Variants in LIG1 observed in about 807,000 individuals in gnomAD.
The protein encoded by LIG1 is ligase I, DNA, ATP-dependent.
LIG1 carries 70 observed loss-of-function variants against 115.7 expected under a neutral mutation model. The ratio of observed to expected loss-of-function variants is 0.60; its 90% CI spans 0.50 to 0.74. The LOEUF (loss-of-function observed/expected upper bound fraction) is 0.74. Among genes scored for constraint, LIG1 ranks in the 30% least tolerant of loss-of-function variants. The pLI, the probability that LIG1 is intolerant of heterozygous loss-of-function variation, is 0.00. For synonymous variants in LIG1, 487 were observed against 495.3 expected (o/e 0.98, Z 0.22); for missense variants, 1,115 against 1,225.6 (o/e 0.91, Z 1.35).
chr19:48,139,611 C>T (rs908788102), intron 12 of LIG1, among the ~76,000 whole-genome samples: 5 of 152,152 alleles, frequency 3.3e-5, no homozygotes, highest in African/African-American at 4.8e-5. Context: ...GTTCTTTCCT[C>T]CCACTCCTTC....
rs970461810 is a variant in LIG1 at position 48,137,706 on chromosome 19, G to T, written c.1088-18C>A. The T allele has an allele frequency of 6.2e-7, 1 of 1,600,728 alleles. No individual in the cohort carries two copies. The highest frequency in any genetic ancestry group is 8.5e-7 in the Non-Finnish European group (1 of 1,179,554). On this transcript the variant is annotated intron_variant, in intron 12 of 27. Coordinates refer to ENST00000263274, the MANE Select transcript of LIG1 (RefSeq NM_000234.3). The surrounding 1 kb of genome is among the most constrained non-coding windows in gnomAD (Gnocchi z 4.3). ...CTGCCGACCTTCAGGGGAGAGCGCG[G>T]GTGGGGGTGTCGAGGGTGACAGTTG... is the stretch of plus-strand genomic sequence containing the variant.
At chr19:48,144,869 C>G (rs1309530278) in intron 9 of LIG1, among the ~76,000 whole-genome samples, 1 of 152,098 alleles carries the variant, frequency 6.6e-6, no homozygotes, top group African/African-American at 2.4e-5. Flanking sequence ...TTAACTCACC[C>G]ATGGCCACAC....
chr19:48,162,907 T>G (rs1483940889), intron 2 of LIG1, among the ~76,000 whole-genome samples: 2 of 143,548 alleles, frequency 1.4e-5, no homozygotes, highest in Non-Finnish European at 3.0e-5. Context: ...AAATATTAAC[T>G]ATGCACTTTT....
chr19:48,140,063 T>A lies in LIG1; in HGVS notation c.995A>T (p.Tyr332Phe). 6.2e-7 allele frequency: 1 copy of A among 1,613,836 alleles called. No individual in the cohort carries two copies. Among genetic ancestry groups the A allele is most frequent in the African/African-American group, 1.3e-5 (1 of 74,984 alleles). ...LSPPDLLPVL[Y>F]LSLNHLGPPQ... ...TGGCCCAAGGTGGTTGAGGCTGAGG[T>A]AGAGGACAGGGAGGAGGTCTGGAGG... The change falls in exon 12 of 28, where the codon TAC becomes TTC. Residue 332 changes from tyrosine to phenylalanine, a missense_variant. By Grantham distance (22) the Tyr-to-Phe change is conservative. Transcript: ENST00000263274.
chr19:48,150,339 T>C, intron 7 of LIG1, 129 bp from the exon 8 acceptor site: 3 of 1,387,102 alleles, frequency 2.2e-6, no homozygotes, highest in Non-Finnish European at 2.0e-6. Context: ...CCTTTTCCTT[T>C]CTGTTAGCTT....
chr19:48,115,903 C>T lies in LIG1; in HGVS notation c.2646G>A (p.Lys882=), dbSNP rs2122241432. 1 of 1,614,042 alleles carries T rather than the reference C, an allele frequency of 6.2e-7. No homozygotes were observed. The highest frequency in any genetic ancestry group is 8.5e-7 in the Non-Finnish European group (1 of 1,180,002). The change falls in exon 27 of 28, where the codon AAG becomes AAA. Residue 882 remains lysine (K), a synonymous_variant. Transcript: ENST00000263274. ...CACTGGTGGTGGCCTGCTCCGGCTG[C>T]TTGTCTTCACGGACTCGAATAAACC... ...FPRFIRVRED[K]QPEQATTSAQ...
At chr19:48,131,692 G>A (rs1396435098) in intron 18 of LIG1, among the ~76,000 whole-genome samples, 3 of 152,126 alleles carry the variant, frequency 2.0e-5, no homozygotes, top group Non-Finnish European at 4.4e-5. Context: ...GCCCACCTTA[G>A]CCTCCCAAAG....
chr19:48,153,961 T>C lies in LIG1; in HGVS notation c.377A>G (p.Lys126Arg). ...CTGAATGGTCCGTTTCGGGAGCTGCTTCCGAGCTGGGGAGGCAAAGGGCTT... is the reference window on the plus strand; with the variant it reads ...CTGAATGGTCCGTTTCGGGAGCTGCCTCCGAGCTGGGGAGGCAAAGGGCTT... ...SGIPKRRTAR[K>R]QLPKRTIQEV... Residue 126 changes from lysine to arginine, a missense_variant, in exon 6 of 28, where the codon AAG becomes AGG. Transcript: ENST00000263274. 1 of 1,613,812 alleles carries C rather than the reference T, an allele frequency of 6.2e-7. No homozygotes were observed. Among genetic ancestry groups the C allele is most frequent in the Non-Finnish European group, 8.5e-7 (1 of 1,179,858 alleles).
intron 4 of LIG1, 46 bp from the exon 5 acceptor site, chr19:48,157,186 A>C: frequency 6.4e-7 from 1 of 1,570,204 alleles, no homozygotes; most frequent in Non-Finnish European, 8.7e-7. Flanking sequence ...GGAAGGAGGG[A>C]CTCCATTTTC....
chr19:48,153,972 G>A lies in LIG1; in HGVS notation c.371-5C>T. The stretch of plus-strand genomic sequence containing the variant: ...GTTTCGGGAGCTGCTTCCGAGCTGG[G>A]GAGGCAAAGGGCTTGGTGTATCTGA... On this transcript the variant is annotated splice_region_variant and splice_polypyrimidine_tract_variant and intron_variant, in intron 5 of 27. Coordinates refer to ENST00000263274, the MANE Select transcript of LIG1 (RefSeq NM_000234.3). 1 of 1,613,348 alleles carries A rather than the reference G, an allele frequency of 6.2e-7. No homozygotes were observed. Among genetic ancestry groups the A allele is most frequent in the South Asian group, 1.1e-5 (1 of 91,064 alleles).
intron 9 of LIG1, among the ~76,000 whole-genome samples, chr19:48,146,675 C>T (rs1237508604): frequency 6.6e-6 from 1 of 152,072 alleles, no homozygotes; most frequent in Non-Finnish European, 1.5e-5. Flanking sequence ...AGCAAAACTC[C>T]GTCTCAAAAG....
intron 17 of LIG1, among the ~76,000 whole-genome samples, chr19:48,133,688 T>C (rs2034190329): frequency 6.6e-6 from 1 of 152,154 alleles, no homozygotes; most frequent in Admixed American, 6.5e-5. Context: ...CTTGAACTCC[T>C]GGGCTCAAGC....
rs573409400 is a variant in LIG1, at chr19:48,134,278, T to C, written c.1524-212A>G. On this transcript the variant is annotated intron_variant, in intron 16 of 27. Coordinates refer to ENST00000263274, the MANE Select transcript of LIG1 (RefSeq NM_000234.3). ...GTCTCCCTTAGTCTGGCCTTGCCCC[T>C]GTTCCCTATCTGTCACCACGAGACC... Among the ~76,000 whole-genome samples, 4 of 152,332 alleles carry C rather than the reference T, an allele frequency of 2.6e-5. No homozygotes were observed. The East Asian group carries it at 5.8e-4, about 22-fold the overall frequency.
intron 9 of LIG1, among the ~76,000 whole-genome samples, chr19:48,148,023 CT>C (rs1291828222): frequency 6.6e-6 from 1 of 152,076 alleles, no homozygotes; most frequent in African/African-American, 2.4e-5. Context: ...AAAAGACAGT[CT>C]GACTCAAGTG....
At chr19:48,159,843 G>A (rs2036071140) in intron 4 of LIG1, among the ~76,000 whole-genome samples, 1 of 151,994 alleles carries the variant, frequency 6.6e-6, no homozygotes, top group Non-Finnish European at 1.5e-5. Context: ...TCATCCTCCC[G>A]AGTAGCTGGG....
Position 48,143,654 on chromosome 19 carries a change from C to A in LIG1, c.858-55G>T, listed in dbSNP as rs2034927033. Reference sequence around the variant, plus strand: ...CAGTGGTGCAGGCTATACCATGCTGCCCGTCTGCACCCTTGCTTCCTCACG... The same window carrying A: ...CAGTGGTGCAGGCTATACCATGCTGACCGTCTGCACCCTTGCTTCCTCACG... On this transcript the variant is annotated intron_variant, in intron 10 of 27. Coordinates refer to ENST00000263274, the MANE Select transcript of LIG1 (RefSeq NM_000234.3). The A allele has an allele frequency of 3.4e-6, 5 of 1,466,254 alleles. No individual in the cohort carries two copies. In the Admixed American group the frequency reaches 6.7e-5, roughly 20 times the overall value. 90.8% of individuals were successfully genotyped at this position (1,466,254 alleles called of 1,614,324 possible). A position where few individuals can be genotyped will look rare whatever the true frequency, so the allele number is the denominator to read the frequency against.
chr19:48,123,338 AAG>A lies in LIG1; in HGVS notation c.2005-22_2005-21del. On this transcript the variant is annotated intron_variant, in intron 21 of 27. Coordinates refer to ENST00000263274, the MANE Select transcript of LIG1 (RefSeq NM_000234.3). The stretch of plus-strand genomic sequence containing the variant: ...CAGGGACTGCAGGGCCGGCAGGGAG[AAG>A]AGAGATGAGACATCTTTGTGAGAAT... 1 of 1,611,012 alleles carries A rather than the reference AAG, an allele frequency of 6.2e-7. No homozygotes were observed. The highest frequency in any genetic ancestry group is 8.5e-7 in the Non-Finnish European group (1 of 1,179,934).
chr19:48,156,381 A>G (rs954448360), intron 5 of LIG1, among the ~76,000 whole-genome samples: 1 of 152,196 alleles, frequency 6.6e-6, no homozygotes, highest in Non-Finnish European at 1.5e-5. Context: ...TACAGTCACA[A>G]TGACCCACAA....
At chr19:48,161,973 G>A (rs984464268) in intron 3 of LIG1, among the ~76,000 whole-genome samples, 2 of 151,798 alleles carry the variant, frequency 1.3e-5, no homozygotes, top group East Asian at 1.9e-4. Context: ...CTACTTAGAT[G>A]AGACAGCATC....
Sources: allele counts gnomAD v4.1 joint callset (sites outside exome capture counted in the v4.1 genomes callset), GRCh38; gene constraint gnomAD v4.1.1; non-coding constraint Gnocchi (gnomAD v3.1); transcripts MANE v1.5; gene names NCBI Gene and HGNC (gene_info 2026-07-23, HGNC 2026-07-21).